UBE2E1: variants seen among roughly 807,000 people sequenced by gnomAD.
The protein encoded by UBE2E1 is ubiquitin-conjugating enzyme E2 E1.
UBE2E1 carries 6 observed loss-of-function variants against 21.4 expected under a neutral mutation model. The ratio of observed to expected loss-of-function variants is 0.28; its 90% CI spans 0.15 to 0.55. The LOEUF is 0.55. Ranked by LOEUF, UBE2E1 falls within the 20% of genes least tolerant of loss-of-function variation. UBE2E1 has a pLI of 0.93. For missense variants in UBE2E1, 142 were observed against 236.5 expected (o/e 0.60, Z 2.62); for synonymous variants, 87 against 82.7 (o/e 1.05, Z -0.28).
chr3:23,830,652 C>T (rs923354439), intron 3 of UBE2E1, among the ~76,000 whole-genome samples: 2 of 152,164 alleles, frequency 1.3e-5, no homozygotes, highest in African/African-American at 4.8e-5. Context: ...TCTTCCTTAC[C>T]TTATTACTCT....
At chr3:23,883,851 G>A (rs1701111197) in intron 3 of UBE2E1, among the ~76,000 whole-genome samples, 1 of 149,964 alleles carries the variant, frequency 6.7e-6, no homozygotes, top group African/African-American at 2.5e-5. Flanking sequence ...ACGAGGGGGA[G>A]GTTGCAGTGA....
intron 3 of UBE2E1, among the ~76,000 whole-genome samples, chr3:23,832,897 G>A (rs1425510817): frequency 6.6e-6 from 1 of 152,070 alleles, no homozygotes; most frequent in Non-Finnish European, 1.5e-5. Flanking sequence ...TAATCCAGGT[G>A]TGGTGGTGTG....
intron 3 of UBE2E1, among the ~76,000 whole-genome samples, chr3:23,868,648 G>A (rs758897118): frequency 6.6e-6 from 1 of 151,642 alleles, no homozygotes; most frequent in African/African-American, 2.4e-5. Flanking sequence ...ACATTAATAG[G>A]TAGATTAGAT....
chr3:23,884,676 GT>G (rs560477138), intron 3 of UBE2E1, among the ~76,000 whole-genome samples: 245 of 152,124 alleles, frequency 1.6e-3, no homozygotes, highest in African/African-American at 5.5e-3. Context: ...CCTCACTTTT[GT>G]TTTTTTCTAG....
chr3:23,880,155 G>A lies in UBE2E1; in HGVS notation c.204-7412G>A, dbSNP rs182363689. Among the ~76,000 whole-genome samples the A allele has an allele frequency of 4.0e-3, 616 of 152,320 alleles. 3 individuals are homozygous for A. The highest frequency in any genetic ancestry group is 7.4e-3 in the South Asian group (36 of 4,834). On this transcript the variant is annotated intron_variant, in intron 3 of 5. Transcript: ENST00000306627. ...CCCAGCACTTTGGGAGGCTGAGGCG[G>A]GCGGATCACCTGAGGTCAGGATTTC... is the stretch of plus-strand genomic sequence containing the variant.
chr3:23,807,989 CAGTA>C, intron 2 of UBE2E1: 1 of 152,290 alleles, frequency 6.6e-6, no homozygotes, highest in East Asian at 1.9e-4. Flanking sequence ...ATGAATGAAT[CAGTA>C]AGTGACTATA....
intron 3 of UBE2E1, among the ~76,000 whole-genome samples, chr3:23,820,535 A>G (rs2125286372): frequency 6.6e-6 from 1 of 152,340 alleles, no homozygotes; most frequent in South Asian, 2.1e-4. Context: ...GTTTTGCTAC[A>G]GTGACAGCAA....
intron 4 of UBE2E1, chr3:23,888,229 T>C (rs767617473): frequency 2.2e-6 from 1 of 457,096 alleles, no homozygotes; most frequent in Non-Finnish European, 4.4e-6. Flanking sequence ...CTTGTTCCTT[T>C]ACCTCCAGGC....
intron 3 of UBE2E1, among the ~76,000 whole-genome samples, chr3:23,861,971 C>T (rs1281723994): frequency 6.6e-6 from 1 of 152,260 alleles, no homozygotes; most frequent in Non-Finnish European, 1.5e-5. Context: ...TTAACAGAAG[C>T]CGCCTATGGA....
chr3:23,872,814 C>T (rs891359992), intron 3 of UBE2E1, among the ~76,000 whole-genome samples: 5 of 152,110 alleles, frequency 3.3e-5, no homozygotes, highest in East Asian at 3.9e-4. Context: ...GTCAGGAGAT[C>T]GAGACCATCC....
chr3:23,811,797 T>C (rs536350043), intron 3 of UBE2E1, among the ~76,000 whole-genome samples: 11 of 152,338 alleles, frequency 7.2e-5, no homozygotes, highest in African/African-American at 2.6e-4. Flanking sequence ...ATCATGGGTC[T>C]TTGATATGCC....
intron 3 of UBE2E1, among the ~76,000 whole-genome samples, chr3:23,839,591 C>G (rs1045182723): frequency 2.0e-5 from 3 of 152,044 alleles, no homozygotes; most frequent in Admixed American, 6.5e-5. Context: ...ACATCTCCTT[C>G]TGCCTGAGAG....
Position 23,810,199 on chromosome 3 carries a change from A to G in UBE2E1, c.153-1261A>G, listed in dbSNP as rs758201165. On this transcript the variant is annotated intron_variant, in intron 2 of 5. Coordinates refer to ENST00000306627, the MANE Select transcript of UBE2E1 (RefSeq NM_003341.5). This position sits in a 1 kb window ranked among gnomAD's most constrained non-coding sequence, Gnocchi z 5.8. The stretch of plus-strand genomic sequence containing the variant: ...CTCGGTGAGATTTTTAAGTTGTAAC[A>G]TAGCCCCATTGGGCTTTATATGATA... Among the ~76,000 whole-genome samples, 1 of 152,248 alleles carries G rather than the reference A, an allele frequency of 6.6e-6. No individual in the cohort carries two copies. Among genetic ancestry groups the G allele is most frequent in the African/African-American group, 2.4e-5 (1 of 41,468 alleles).
At chr3:23,811,610 A>G in intron 3 of UBE2E1, 100 bp downstream of exon 3, 13 of 1,116,080 alleles carry the variant, frequency 1.2e-5, no homozygotes, top group Non-Finnish European at 1.7e-5. Context: ...TCTTTGGCTA[A>G]TGCTTGTTAT....
chr3:23,838,653 C>G (rs182897917), intron 3 of UBE2E1, among the ~76,000 whole-genome samples: 2 of 152,106 alleles, frequency 1.3e-5, no homozygotes, highest in Admixed American at 6.5e-5. Context: ...TGCACCAGCA[C>G]TCCTGGCTAA....
intron 3 of UBE2E1, among the ~76,000 whole-genome samples, chr3:23,883,102 T>G (rs1701093709): frequency 6.6e-6 from 1 of 152,184 alleles, no homozygotes; most frequent in African/African-American, 2.4e-5. Flanking sequence ...CATCTTTTCT[T>G]TAGTATCAAT....
chr3:23,855,432 T>C lies in UBE2E1; in HGVS notation c.204-32135T>C, dbSNP rs7627261. Reference sequence around the variant, plus strand: ...TGTTGATTATTGGAAAGCAAAAATATAGCTTTAGATTTTTGTGACAGCCGT... The same window carrying C: ...TGTTGATTATTGGAAAGCAAAAATACAGCTTTAGATTTTTGTGACAGCCGT... On this transcript the variant is annotated intron_variant, in intron 3 of 5. Coordinates refer to ENST00000306627, the MANE Select transcript of UBE2E1 (RefSeq NM_003341.5). Among the ~76,000 whole-genome samples, 1,442 of 152,298 alleles carry C rather than the reference T, an allele frequency of 9.5e-3. 24 individuals are homozygous for C. The highest frequency in any genetic ancestry group is 0.032 in the African/African-American group (1,344 of 41,556).
intron 3 of UBE2E1, among the ~76,000 whole-genome samples, chr3:23,882,016 C>T (rs1302411189): frequency 6.6e-6 from 1 of 152,176 alleles, no homozygotes; most frequent in Admixed American, 6.5e-5. Context: ...AGCTGCAGAC[C>T]TTCGCGGTGA....
chr3:23,840,374 T>C (rs1045389269), intron 3 of UBE2E1, among the ~76,000 whole-genome samples: 1 of 152,226 alleles, frequency 6.6e-6, no homozygotes, highest in African/African-American at 2.4e-5. Context: ...TTTTGCCTTT[T>C]TGAGTGCTGC....
Sources: gnomAD v4.1 joint callset for allele counts (sites outside exome capture counted in the v4.1 genomes callset) on GRCh38, gnomAD v4.1.1 for gene constraint, Gnocchi (gnomAD v3.1) non-coding constraint, MANE v1.5 for transcripts, NCBI Gene and HGNC (gene_info 2026-07-23, HGNC 2026-07-21) for gene names.